The following WASF3 variants were observed in gnomAD, a reference collection of about 807,000 sequenced individuals.
WASF3 encodes the protein actin-binding protein WASF3.
A neutral mutation model predicts 46.6 loss-of-function variants in WASF3; 11 were observed. That is an observed-to-expected ratio of 0.24 (90% confidence interval 0.15 to 0.39). The LOEUF (loss-of-function observed/expected upper bound fraction) is 0.39. WASF3 is among the 10% of genes least tolerant of loss of function. WASF3 has a pLI of 1.00. For synonymous variants in WASF3, 242 were observed against 259.7 expected, an observed-to-expected ratio of 0.93 and a Z score of 0.65; for missense variants, 576 against 669.8, an observed-to-expected ratio of 0.86 and a Z score of 1.55.
At chr13:26,578,992 C>CATTTTTTTTTTTTTTTTTTTTT (rs773477513) in intron 1 of WASF3, among the ~76,000 whole-genome samples, 1 of 36,714 alleles carries the variant, frequency 2.7e-5, no homozygotes, top group African/African-American at 1.2e-4. Flanking sequence ...GGATACATTT[C>CATTTTTTTTTTTTTTTTTTTTT]CTTTTTTTTT....
At chr13:26,588,155 G>T (rs892983450) in intron 1 of WASF3, among the ~76,000 whole-genome samples, 70 of 152,296 alleles carry the variant, frequency 4.6e-4, no homozygotes, top group African/African-American at 1.6e-3. Context: ...TAAGCTGATA[G>T]AAATTACTAT....
chr13:26,646,934 G>A (rs927427151), intron 3 of WASF3, among the ~76,000 whole-genome samples: 5 of 152,214 alleles, frequency 3.3e-5, no homozygotes, highest in Non-Finnish European at 7.3e-5. Flanking sequence ...TTTGCATAAA[G>A]CAAGAAAAGA....
At position 26,665,155 on chromosome 13, in the gene WASF3, G is replaced by A; in HGVS notation, c.261G>A (p.Val87=). ...AAGTCACCCAGCTGGATTCAACAGTGGAAGAGGGTAGGTAATTGCCTGAAA... is the reference window on the plus strand; with the variant it reads ...AAGTCACCCAGCTGGATTCAACAGTAGAAGAGGGTAGGTAATTGCCTGAAA... The part of the protein sequence containing the change: ...AVKVTQLDST[V]EEVSLQDINM... The change falls in exon 4 of 10, where the codon GTG becomes GTA. Residue 87 remains valine (V), a synonymous_variant. Transcript: ENST00000335327. 6.2e-7 allele frequency: 1 copy of A among 1,613,758 alleles called. No homozygotes were observed. Among genetic ancestry groups the A allele is most frequent in the East Asian group, 2.2e-5 (1 of 44,888 alleles).
In WASF3 at chr13:26,577,730, A is replaced by C. The variant is rs73491034; in HGVS notation, c.-109+19911A>C. 671 of 737,598 alleles carry C rather than the reference A, an allele frequency of 9.1e-4. 1 individual carries two copies. In the African/African-American group the frequency reaches 0.01, roughly 11 times the overall value. 45.7% of individuals were successfully genotyped at this position (737,598 alleles called of 1,614,324 possible). The stretch of plus-strand genomic sequence containing the variant: ...AAAAAGTCCTATTTGTGGAAAAAAA[A>C]AAATCAAAACCAGGAAATTGACATT... On this transcript the variant is annotated intron_variant, in intron 1 of 9. Coordinates refer to ENST00000335327, the MANE Select transcript of WASF3 (RefSeq NM_006646.6).
In WASF3 at chr13:26,632,759, C is replaced by T. The variant is rs532373350; in HGVS notation, c.-10-9502C>T. On this transcript the variant is annotated intron_variant, in intron 2 of 9. Transcript: ENST00000335327. ...TTCAGAAGGAATGGTACCAGCTCCT[C>T]TTTGTACCTCTGGTAGAATTAGGCT... 3.3e-5 allele frequency among the ~76,000 whole-genome samples: 5 copies of T among 152,292 alleles called. No individual in the cohort carries two copies. The South Asian group carries it at 8.3e-4, about 25-fold the overall frequency.
At chr13:26,670,157 C>T (rs769110493) in intron 5 of WASF3, among the ~76,000 whole-genome samples, 1 of 152,294 alleles carries the variant, frequency 6.6e-6, no homozygotes, top group Non-Finnish European at 1.5e-5. Flanking sequence ...ACATATACCC[C>T]ATGGAATACT....
the WASF3 span, among the ~76,000 whole-genome samples, chr13:26,549,292 T>C: frequency 6.6e-6 from 1 of 152,146 alleles, no homozygotes; most frequent in Non-Finnish European, 1.5e-5. Context: ...TCCCACTACA[T>C]TTTTTTCTTG....
At chr13:26,558,165 C>G (rs1247845513) in intron 1 of WASF3, among the ~76,000 whole-genome samples, 1 of 151,934 alleles carries the variant, frequency 6.6e-6, no homozygotes, top group Non-Finnish European at 1.5e-5. Context: ...CCCTCCCCGC[C>G]GTAAGTGGCG....
At position 26,681,039 on chromosome 13, in the gene WASF3, G is replaced by C. The variant is rs377625568; in HGVS notation, c.717-15G>C. On this transcript the variant is annotated splice_polypyrimidine_tract_variant and intron_variant, in intron 7 of 9. Transcript: ENST00000335327. The stretch of plus-strand genomic sequence containing the variant: ...TTAATTTAAATTTCTCCCACCTCTT[G>C]TTTTCAAATGCCAGGTCACATGCAT... 7 of 1,583,744 alleles carry C rather than the reference G, an allele frequency of 4.4e-6. No individual in the cohort carries two copies. The highest frequency in any genetic ancestry group is 3.4e-4 in the Middle Eastern group (2 of 5,958).
intron 1 of WASF3, chr13:26,577,067 G>A (rs1879820941): frequency 4.0e-6 from 3 of 742,258 alleles, no homozygotes; most frequent in Non-Finnish European, 7.2e-6. Context: ...GCATCTGATG[G>A]CCTCAAGGGT....
upstream of WASF3, among the ~76,000 whole-genome samples, chr13:26,557,261 C>T (rs1879118634): frequency 6.6e-6 from 1 of 152,238 alleles, no homozygotes; most frequent in Non-Finnish European, 1.5e-5. Flanking sequence ...TGCCTGAAGC[C>T]TCAGCCCTGG....
intron 2 of WASF3, chr13:26,638,622 A>G (rs1444190015): frequency 1.3e-5 from 2 of 152,354 alleles, no homozygotes; most frequent in Non-Finnish European, 1.5e-5. Flanking sequence ...AGTATTTTCA[A>G]GGGTAATCAC....
At chr13:26,583,756 A>G (rs1249077936) in intron 1 of WASF3, among the ~76,000 whole-genome samples, 1 of 152,120 alleles carries the variant, frequency 6.6e-6, no homozygotes, top group Non-Finnish European at 1.5e-5. Context: ...AAGCCACTCT[A>G]GCTTTGTTGG....
the WASF3 span, among the ~76,000 whole-genome samples, chr13:26,540,345 T>A: frequency 2.0e-5 from 3 of 152,188 alleles, no homozygotes; most frequent in Admixed American, 6.5e-5. Flanking sequence ...GTCCTTGGTT[T>A]CTGGACCCTT....
intron 1 of WASF3, among the ~76,000 whole-genome samples, chr13:26,563,638 G>C (rs1323372872): frequency 4.0e-4 from 46 of 115,916 alleles, no homozygotes; most frequent in Admixed American, 1.1e-3. Flanking sequence ...CTGGGCAACA[G>C]AGTGAGACTC....
intron 1 of WASF3, among the ~76,000 whole-genome samples, chr13:26,608,771 G>A (rs114993208): frequency 1.7e-4 from 26 of 152,298 alleles, no homozygotes; most frequent in African/African-American, 6.0e-4. Flanking sequence ...TGTTATGCTA[G>A]ACATATGCTT....
rs192412641 is a variant in WASF3 at position 26,571,605 on chromosome 13, A to G, written c.-109+13786A>G. On this transcript the variant is annotated intron_variant, in intron 1 of 9. Transcript: ENST00000335327. ...TTCCATTCTGTTGTTCTGTCTGTTCATATGCTATTCACACAATTTTAATCA... is the reference window on the plus strand; with the variant it reads ...TTCCATTCTGTTGTTCTGTCTGTTCGTATGCTATTCACACAATTTTAATCA... Among the ~76,000 whole-genome samples the G allele has an allele frequency of 2.0e-3, 300 of 152,258 alleles. 1 individual carries two copies. The highest frequency in any genetic ancestry group is 3.1e-3 in the Non-Finnish European group (212 of 68,014).
At chr13:26,631,833 C>T (rs1276344156) in intron 2 of WASF3, among the ~76,000 whole-genome samples, 1 of 152,108 alleles carries the variant, frequency 6.6e-6, no homozygotes, top group East Asian at 1.9e-4. Context: ...TTGTTTGTGT[C>T]CTCTTTCATT....
At chr13:26,571,537 A>C (rs2137154134) in intron 1 of WASF3, among the ~76,000 whole-genome samples, 1 of 152,294 alleles carries the variant, frequency 6.6e-6, no homozygotes, top group Non-Finnish European at 1.5e-5. Context: ...ATTGCTGTAT[A>C]TTAGATTTCT....
Sources: allele counts gnomAD v4.1 joint callset (sites outside exome capture counted in the v4.1 genomes callset), GRCh38; gene constraint gnomAD v4.1.1; transcripts MANE v1.5; gene names NCBI Gene and HGNC (gene_info 2026-07-23, HGNC 2026-07-21).